Variants in MYBL1 observed in about 807,000 individuals in gnomAD.
MYBL1 encodes the protein MYB proto-oncogene like 1, also known as myb-related protein A.
Under a neutral mutation model 96.3 loss-of-function variants are expected in MYBL1, and 17 were observed. The ratio of observed to expected loss-of-function variants is 0.18; its 90% CI spans 0.12 to 0.26. The LOEUF (loss-of-function observed/expected upper bound fraction) is 0.26, where lower values mean the gene tolerates loss of function less well. MYBL1 is among the 10% of genes least tolerant of loss of function. MYBL1 has a pLI of 1.00. For missense variants in MYBL1, 701 were observed against 882.9 expected (o/e 0.79, Z 2.61); for synonymous variants, 282 against 292.7 (o/e 0.96, Z 0.37).
chr8:66,568,509 A>G (rs1808603661), intron 12 of MYBL1, among the ~76,000 whole-genome samples: 1 of 151,632 alleles, frequency 6.6e-6, no homozygotes, highest in African/African-American at 2.4e-5. Flanking sequence ...CATGTTGGCC[A>G]AGCTGGTCTC....
At chr8:66,566,025 C>G in intron 15 of MYBL1, 39 bp downstream of exon 15, 1 of 1,382,382 alleles carries the variant, frequency 7.2e-7, no homozygotes, top group Admixed American at 3.0e-5. Flanking sequence ...ATTGACTAAA[C>G]AAAAACAAAA....
At chr8:66,583,982 C>T (rs1809314223) in intron 8 of MYBL1, among the ~76,000 whole-genome samples, 1 of 152,020 alleles carries the variant, frequency 6.6e-6, no homozygotes, top group African/African-American at 2.4e-5. Context: ...TACCCTGATA[C>T]CAAAACCAAA....
rs200196635 is a variant in MYBL1, at chr8:66,566,093, T to C, written c.2101A>G (p.Lys701Glu). 6.6e-4 allele frequency: 1,008 copies of C among 1,536,702 alleles called. No homozygotes were observed. The highest frequency in any genetic ancestry group is 8.1e-4 in the Non-Finnish European group (925 of 1,139,608). ...AGATTCTTTTCCAATTTGACAACTT[T>C]GGAAGTGTTAGGGTTTGGTTTCTTT... ...TKKKPNPNTS[K>E]VVKLEKNLQS... The change falls in exon 15 of 16, where the codon AAA becomes GAA. Residue 701 changes from lysine to glutamate, a missense_variant. By Grantham distance (56) the Lys-to-Glu change is moderately conservative (BLOSUM62 1). Coordinates refer to ENST00000522677, the MANE Select transcript of MYBL1 (RefSeq NM_001080416.4).
intron 8 of MYBL1, among the ~76,000 whole-genome samples, chr8:66,584,750 A>G (rs1413459527): frequency 6.6e-6 from 1 of 152,108 alleles, no homozygotes; most frequent in African/African-American, 2.4e-5. Flanking sequence ...CCAACAACAA[A>G]CTAGCACAAA....
chr8:66,572,264 G>A (rs1413487111), intron 12 of MYBL1, among the ~76,000 whole-genome samples: 3 of 151,172 alleles, frequency 2.0e-5, no homozygotes, highest in Non-Finnish European at 2.9e-5. Context: ...AGGTTACAGT[G>A]AGCTGAGATC....
chr8:66,572,298 C>T (rs1249954228), intron 12 of MYBL1, among the ~76,000 whole-genome samples, 184 bp downstream of exon 12: 13 of 147,090 alleles, frequency 8.8e-5, no homozygotes, highest in Non-Finnish European at 1.5e-4. Flanking sequence ...CTAGCCTGGG[C>T]GACAAAGTAA....
At chr8:66,575,333 A>C (rs998533688) in intron 10 of MYBL1, among the ~76,000 whole-genome samples, 205 of 152,220 alleles carry the variant, frequency 1.3e-3, no homozygotes, top group African/African-American at 4.5e-3. Context: ...TATCAGGTAT[A>C]TCTATCGAAC....
intron 14 of MYBL1, 34 bp from the exon 15 acceptor site, chr8:66,566,277 A>G: frequency 7.6e-7 from 1 of 1,321,306 alleles, no homozygotes; most frequent in Non-Finnish European, 1.0e-6. Flanking sequence ...AAAATAACTA[A>G]TTCAAAAATG....
At chr8:66,594,625 GC>G (rs946466074) in intron 6 of MYBL1, among the ~76,000 whole-genome samples, 1 of 152,060 alleles carries the variant, frequency 6.6e-6, no homozygotes, top group Non-Finnish European at 1.5e-5. Flanking sequence ...AGTTTATGCT[GC>G]TGAAATCTAG....
In MYBL1 at chr8:66,576,504, C is replaced by T. The variant is rs1393838507; in HGVS notation, c.1102-129G>A. 5 of 1,098,474 alleles carry T rather than the reference C, an allele frequency of 4.6e-6. No individual in the cohort carries two copies. The African/African-American group carries it at 6.3e-5, about 14-fold the overall frequency. The allele number at this position is 1,098,474 out of a possible 1,614,324, so 68.0% of individuals were successfully genotyped here. A position where few individuals can be genotyped will look rare whatever the true frequency, so the allele number is the denominator to read the frequency against. Reference sequence around the variant, plus strand: ...TATCAGTAAAAATGCTTTCCTTGGACATTTTTTTTAAGCAAGACCATTTAA... The same window carrying T: ...TATCAGTAAAAATGCTTTCCTTGGATATTTTTTTTAAGCAAGACCATTTAA... On this transcript the variant is annotated intron_variant, in intron 9 of 15. Coordinates refer to ENST00000522677, the MANE Select transcript of MYBL1 (RefSeq NM_001080416.4).
intron 9 of MYBL1, among the ~76,000 whole-genome samples, chr8:66,577,200 T>C (rs1352466163): frequency 2.0e-5 from 3 of 150,628 alleles, no homozygotes; most frequent in African/African-American, 7.3e-5. Flanking sequence ...CCACTCCTAT[T>C]CAACATAGTG....
chr8:66,589,345 C>T (rs1196182135), intron 8 of MYBL1, among the ~76,000 whole-genome samples: 1 of 150,954 alleles, frequency 6.6e-6, no homozygotes, highest in African/African-American at 2.4e-5. Context: ...CAGGTTCTTG[C>T]TCTGTCACCC....
chr8:66,582,782 C>A (rs1204606040), intron 8 of MYBL1, among the ~76,000 whole-genome samples: 1 of 150,066 alleles, frequency 6.7e-6, no homozygotes, highest in Non-Finnish European at 1.5e-5. Context: ...ATAAAGGGAT[C>A]AATTCAGCAA....
Position 66,595,810 on chromosome 8 carries a change from A to G in MYBL1, c.513-53T>C, listed in dbSNP as rs1413438019. 8 of 1,226,682 alleles carry G rather than the reference A, an allele frequency of 6.5e-6. No individual in the cohort carries two copies. In the South Asian group the frequency reaches 1.2e-4, roughly 19 times the overall value. The allele number at this position is 1,226,682 out of a possible 1,614,324, so 76.0% of individuals were successfully genotyped here. A position where few individuals can be genotyped will look rare whatever the true frequency, so the allele number is the denominator to read the frequency against. On this transcript the variant is annotated intron_variant, in intron 5 of 15. Transcript: ENST00000522677. ...AGAAAAAAGGATTCCACAGATTTCA[A>G]CACTGTGTTAACTTGTACAAAGTGC...
intron 15 of MYBL1, among the ~76,000 whole-genome samples, chr8:66,565,684 C>T (rs2129680335): frequency 6.6e-6 from 1 of 152,174 alleles, no homozygotes; most frequent in African/African-American, 2.4e-5. Context: ...TCACTGGAAA[C>T]CATGGTACCA....
chr8:66,597,913 A>G (rs1586591165), intron 4 of MYBL1, among the ~76,000 whole-genome samples: 1 of 151,436 alleles, frequency 6.6e-6, no homozygotes, highest in Non-Finnish European at 1.5e-5. Flanking sequence ...ACAATTAGGA[A>G]GCAGAAAGAT....
intron 12 of MYBL1, among the ~76,000 whole-genome samples, chr8:66,569,235 C>T (rs1808633383): frequency 6.6e-6 from 1 of 151,894 alleles, no homozygotes; most frequent in South Asian, 2.1e-4. Flanking sequence ...TGTTGGTTTG[C>T]TGAGGATAAT....
In MYBL1 at chr8:66,592,445, G is replaced by T. The variant is rs758346772; in HGVS notation, c.862C>A (p.Pro288Thr). 2.5e-6 allele frequency: 4 copies of T among 1,575,508 alleles called. No individual in the cohort carries two copies. Among genetic ancestry groups the T allele is most frequent in the Non-Finnish European group, 3.4e-6 (4 of 1,159,956 alleles). Residue 288 changes from proline to threonine, a missense_variant, in exon 8 of 16, where the codon CCA (proline) becomes ACA (threonine). Around this residue, in one of 5 missense-constraint regions of MYBL1, gnomAD observed 396 missense variants for 407.4 expected, o/e 0.97. Transcript: ENST00000522677. ...ATAACAAGCTTATTTCTTACTGATG[G>T]AATTCGCTTTCTTCTAACTTCATTC... ...AENEVRRKRIPSQPGSFSSWS... is the reference protein window; with the variant it reads ...AENEVRRKRITSQPGSFSSWS...
chr8:66,604,783 G>T (rs1199462384), intron 1 of MYBL1, among the ~76,000 whole-genome samples: 3 of 152,194 alleles, frequency 2.0e-5, no homozygotes, highest in Non-Finnish European at 4.4e-5. Flanking sequence ...GCAACTGATA[G>T]ATGAGGGACA....
Sources: allele counts gnomAD v4.1 joint callset (sites outside exome capture counted in the v4.1 genomes callset), GRCh38; gene constraint gnomAD v4.1.1; regional missense constraint gnomAD v4.1.1; transcripts MANE v1.5; gene names NCBI Gene and HGNC (gene_info 2026-07-23, HGNC 2026-07-21).